EML6: variants seen among roughly 807,000 people sequenced by gnomAD.
EML6 encodes the protein EMAP like 6, also known as echinoderm microtubule-associated protein-like 6.
In EML6, 154 loss-of-function variants were observed where a neutral mutation model predicts 240.1. That is an observed-to-expected ratio of 0.64 (90% CI 0.56 to 0.73). The LOEUF is 0.73. Among genes scored for constraint, EML6 ranks in the 30% least tolerant of loss-of-function variants. EML6 has a pLI of 0.00. For synonymous variants in EML6, 1,148 were observed against 899.0 expected, an observed-to-expected ratio of 1.28 and a Z score of -4.95; for missense variants, 2,964 against 2,474.6, an observed-to-expected ratio of 1.20 and a Z score of -4.20.
intron 20 of EML6, 121 bp downstream of exon 20, chr2:54,895,147 C>A: frequency 1.5e-6 from 2 of 1,327,424 alleles, no homozygotes; most frequent in Non-Finnish European, 2.1e-6. Context: ...TTAGAACTCT[C>A]TTCCTCTGGT....
chr2:54,942,604 C>G (rs1281759444), intron 28 of EML6, among the ~76,000 whole-genome samples: 1 of 152,162 alleles, frequency 6.6e-6, no homozygotes, highest in African/African-American at 2.4e-5. Flanking sequence ...TTACCCGACT[C>G]CCTCTCGCTC....
chr2:54,898,223 G>C (rs17346032), intron 21 of EML6, among the ~76,000 whole-genome samples: 51,871 of 151,866 alleles, frequency 0.34, 9,188 homozygotes, highest in Middle Eastern at 0.39. Flanking sequence ...CTTCAAGCCT[G>C]CCTCGCTTAC....
intron 28 of EML6, among the ~76,000 whole-genome samples, chr2:54,935,911 T>C (rs143264359): frequency 2.1e-3 from 326 of 152,156 alleles, no homozygotes; most frequent in African/African-American, 7.4e-3. Flanking sequence ...ACTCTTATAA[T>C]CCCAGCTACT....
chr2:54,924,264 T>C (rs1674423088), intron 26 of EML6, among the ~76,000 whole-genome samples: 1 of 152,236 alleles, frequency 6.6e-6, no homozygotes. Flanking sequence ...TATTCGATCT[T>C]GTCAGATGCA....
At position 54,933,762 on chromosome 2, in the gene EML6, C is replaced by T. The variant is rs544072843; in HGVS notation, c.4004+5011C>T. 7.6e-4 allele frequency among the ~76,000 whole-genome samples: 116 copies of T among 152,032 alleles called. No homozygotes were observed. The Middle Eastern group carries it at 0.017, about 22-fold the overall frequency. ...GAAAGAAAAAAAAACCCACTAAAAACCCCCACTATCCTATATGTAATTTGA... is the reference window on the plus strand; with the variant it reads ...GAAAGAAAAAAAAACCCACTAAAAATCCCCACTATCCTATATGTAATTTGA... On this transcript the variant is annotated intron_variant, in intron 28 of 41. Transcript: ENST00000356458.
chr2:54,914,784 C>G (rs543177240), intron 25 of EML6, among the ~76,000 whole-genome samples: 1 of 146,248 alleles, frequency 6.8e-6, no homozygotes, highest in Non-Finnish European at 1.5e-5. Flanking sequence ...TTCAAAGAAG[C>G]AATTTTTTTT....
At position 54,864,852 on chromosome 2, in the gene EML6, A is replaced by G. The variant is rs187006289; in HGVS notation, c.1932+963A>G. On this transcript the variant is annotated intron_variant, in intron 13 of 41. Transcript: ENST00000356458. ...TTGGAATATTTTTCAGCCCATAATC[A>G]TCAGTCATTGATTCAGAGTTTGAAA... is the stretch of plus-strand genomic sequence containing the variant. 1.0e-3 allele frequency among the ~76,000 whole-genome samples: 156 copies of G among 152,360 alleles called. 1 individual carries two copies. The highest frequency in any genetic ancestry group is 6.8e-3 in the Middle Eastern group (2 of 294).
intron 26 of EML6, among the ~76,000 whole-genome samples, chr2:54,926,785 T>G (rs1458354279): frequency 6.6e-6 from 1 of 152,206 alleles, no homozygotes; most frequent in Non-Finnish European, 1.5e-5. Flanking sequence ...CCTCTCTCTT[T>G]CTTCCTCTAT....
At position 54,950,788 on chromosome 2, in the gene EML6, G is replaced by C; in HGVS notation, c.4213+9G>C. The C allele has an allele frequency of 6.5e-7, 1 of 1,544,914 alleles. No homozygotes were observed. On this transcript the variant is annotated intron_variant, in intron 30 of 41. Coordinates refer to ENST00000356458, the MANE Select transcript of EML6 (RefSeq NM_001039753.4). ...TCAGAACCTCTCCACAGGTAACCGG[G>C]GGTTAAAAAATACAGGTTTTTCTTT...
intron 5 of EML6, among the ~76,000 whole-genome samples, chr2:54,822,356 C>A (rs1668372715): frequency 6.6e-6 from 1 of 152,168 alleles, no homozygotes; most frequent in African/African-American, 2.4e-5. Flanking sequence ...AATGTCAATT[C>A]TCTTTGATCC....
Position 54,971,777 on chromosome 2 carries a change from G to C in EML6, c.*1682G>C, listed in dbSNP as rs1388481296. 1 of 152,136 alleles carries C rather than the reference G, an allele frequency of 6.6e-6. No individual in the cohort carries two copies. Among genetic ancestry groups the C allele is most frequent in the African/African-American group, 2.4e-5 (1 of 41,420 alleles). 9.4% of individuals were successfully genotyped at this position (152,136 alleles called of 1,614,324 possible). Reference sequence around the variant, plus strand: ...TCGGATCTTGCATTGAAATAACCATGTGGAAGAACAATGAATCGATTAATG... The same window carrying C: ...TCGGATCTTGCATTGAAATAACCATCTGGAAGAACAATGAATCGATTAATG... On this transcript the variant is annotated 3_prime_UTR_variant, in exon 42 of 42. Transcript: ENST00000356458.
rs1036204375 is a variant in EML6, at chr2:54,829,483, A to G, written c.847+6A>G. Reference sequence around the variant, plus strand: ...GACAGAACAAGGATACAAAGGTAATATATGTGTTAAGCTTACCTGTAACTC... The same window carrying G: ...GACAGAACAAGGATACAAAGGTAATGTATGTGTTAAGCTTACCTGTAACTC... On this transcript the variant is annotated splice_donor_region_variant and intron_variant, in intron 7 of 41. Coordinates refer to ENST00000356458, the MANE Select transcript of EML6 (RefSeq NM_001039753.4). 1.9e-6 allele frequency: 3 copies of G among 1,548,792 alleles called. No individual in the cohort carries two copies. Among genetic ancestry groups the G allele is most frequent in the Non-Finnish European group, 2.6e-6 (3 of 1,144,442 alleles).
At chr2:54,778,860 C>T (rs111524046) in intron 2 of EML6, among the ~76,000 whole-genome samples, 3,231 of 138,226 alleles carry the variant, frequency 0.023, 123 homozygotes, top group African/African-American at 0.087. Flanking sequence ...CCACTGCATT[C>T]CAGCCTGGGT....
At chr2:54,831,246 G>T (rs1668854848) in intron 7 of EML6, among the ~76,000 whole-genome samples, 1 of 152,206 alleles carries the variant, frequency 6.6e-6, no homozygotes, top group Non-Finnish European at 1.5e-5. Context: ...CAGGATTCAT[G>T]ACTCTTTTTG....
chr2:54,857,578 G>T (rs1022640112), intron 11 of EML6, among the ~76,000 whole-genome samples: 1 of 152,230 alleles, frequency 6.6e-6, no homozygotes. Flanking sequence ...CTGATTGTGA[G>T]AAGTGCTGTG....
At chr2:54,964,468 C>T (rs538120401) in intron 37 of EML6, 103 bp from the exon 38 acceptor site, 6 of 1,101,828 alleles carry the variant, frequency 5.4e-6, no homozygotes, top group Non-Finnish European at 6.4e-6. Flanking sequence ...AGGTGGCTCT[C>T]ATTGCCTTTA....
chr2:54,945,770 C>T (rs1250670037), intron 28 of EML6, among the ~76,000 whole-genome samples: 3 of 152,244 alleles, frequency 2.0e-5, no homozygotes, highest in Admixed American at 6.5e-5. Context: ...GCCTGCCTTG[C>T]GGGTCTGTGC....
chr2:54,839,402 A>G (rs1669323835), intron 7 of EML6, among the ~76,000 whole-genome samples: 1 of 152,262 alleles, frequency 6.6e-6, no homozygotes, highest in Non-Finnish European at 1.5e-5. Context: ...CCTGGTGGAC[A>G]GACGCCATGA....
At chr2:54,819,765 C>A (rs1240748218) in intron 4 of EML6, among the ~76,000 whole-genome samples, 1 of 114,628 alleles carries the variant, frequency 8.7e-6, no homozygotes, top group African/African-American at 3.2e-5. Flanking sequence ...CGGAGCGAGA[C>A]TGTCTCAGAA....
Sources: gnomAD v4.1 joint callset for allele counts (sites outside exome capture counted in the v4.1 genomes callset) on GRCh38, gnomAD v4.1.1 for gene constraint, MANE v1.5 for transcripts, NCBI Gene and HGNC (gene_info 2026-07-23, HGNC 2026-07-21) for gene names.